Variants in ALPK3 observed in about 807,000 individuals in gnomAD.
ALPK3 encodes alpha kinase 3, also known as alpha-protein kinase 3.
Under a neutral mutation model 140.0 loss-of-function variants are expected in ALPK3, and 102 were observed. That is an observed-to-expected ratio of 0.73 (90% CI 0.62 to 0.86). The LOEUF (loss-of-function observed/expected upper bound fraction) is 0.86. Ranked by LOEUF, ALPK3 falls within the 40% of genes least tolerant of loss-of-function variation. ALPK3 has a pLI of 0.00. For missense variants in ALPK3, 2,254 were observed against 2,208.2 expected, an observed-to-expected ratio of 1.02 and a Z score of -0.42; for synonymous variants, 938 against 898.5, an observed-to-expected ratio of 1.04 and a Z score of -0.79.
chr15:84,859,062 TGGGGGTCA>T (rs1357828518), intron 6 of ALPK3, among the ~76,000 whole-genome samples, 173 bp from the exon 7 acceptor site: 1 of 151,988 alleles, frequency 6.6e-6, no homozygotes, highest in Admixed American at 6.6e-5. Flanking sequence ...ATGTGTGCTT[TGGGGGTCA>T]GGGCAGAAGC....
intron 3 of ALPK3, among the ~76,000 whole-genome samples, chr15:84,830,192 A>G (rs1049678776): frequency 7.2e-5 from 11 of 152,174 alleles, no homozygotes; most frequent in Admixed American, 2.0e-4. Context: ...TGCAAGGTCA[A>G]TGACATCAGT....
In ALPK3 at chr15:84,857,237, C is replaced by G. The variant is rs767247786; in HGVS notation, c.2499C>G (p.Asp833Glu). 3.1e-6 allele frequency: 5 copies of G among 1,613,940 alleles called. No individual in the cohort carries two copies. Among genetic ancestry groups the G allele is most frequent in the Non-Finnish European group, 4.2e-6 (5 of 1,179,938 alleles). ...GCCCAGTCGAGGCCAAGCAGGAGGA[C>G]AGCCCGTTCCAGTGCCCCAAGGAGG... The part of the protein sequence containing the change: ...SSGPVEAKQE[D>E]SPFQCPKEER... The change falls in exon 6 of 14, where the codon GAC (aspartate) becomes GAG (glutamate). Residue 833 changes from aspartate (D) to glutamate (E), a missense_variant. Physicochemically the swap from Asp to Glu is conservative, Grantham distance 45 (BLOSUM62 2). This residue lies in a region of ALPK3 where 2,088 missense variants were observed against 2,022.9 expected (regional missense o/e 1.03). Transcript: ENST00000258888.
chr15:84,847,843 G>A (rs1596152217), intron 5 of ALPK3, among the ~76,000 whole-genome samples: 1 of 152,190 alleles, frequency 6.6e-6, no homozygotes, highest in Non-Finnish European at 1.5e-5. Flanking sequence ...TGGATCACCT[G>A]AGGTCATGAG....
In ALPK3 at chr15:84,856,492, T is replaced by C. The variant is rs2141567160; in HGVS notation, c.1754T>C (p.Ile585Thr). The C allele has an allele frequency of 6.2e-7, 1 of 1,614,090 alleles. No individual in the cohort carries two copies. Among genetic ancestry groups the C allele is most frequent in the Non-Finnish European group, 8.5e-7 (1 of 1,180,006 alleles). Residue 585 changes from isoleucine (I) to threonine (T), a missense_variant, in exon 6 of 14, where the codon ATT becomes ACT. Ile to Thr is a moderately conservative substitution (Grantham distance 89, BLOSUM62 -1). Coordinates refer to ENST00000258888, the MANE Select transcript of ALPK3 (RefSeq NM_020778.5). The stretch of plus-strand genomic sequence containing the variant: ...AGCACTTCCGGAAGTCAAGGTATCA[T>C]TGAACCCATGGATATGGAAACCCAG... The part of the protein sequence containing the change: ...GVSTSGSQGI[I>T]EPMDMETQED...
rs995170828 is a variant in ALPK3, at chr15:84,848,069, A to T, written c.1653+7137A>T. ...AAAGCCAGACTTGATCTCAAAAAAA[A>T]AAAAATAAAAAGAAAAAGAATTGCT... On this transcript the variant is annotated intron_variant, in intron 5 of 13. Transcript: ENST00000258888. Among the ~76,000 whole-genome samples, 434 of 151,982 alleles carry T rather than the reference A, an allele frequency of 2.9e-3. 2 individuals are homozygous for T. Among genetic ancestry groups the T allele is most frequent in the African/African-American group, 8.5e-3 (352 of 41,452 alleles).
intron 5 of ALPK3, among the ~76,000 whole-genome samples, chr15:84,846,446 C>G (rs903740160): frequency 3.3e-5 from 5 of 152,080 alleles, no homozygotes; most frequent in African/African-American, 9.7e-5. Context: ...ACTCTGGAAA[C>G]AAATGGAAAG....
At chr15:84,859,067 G>T (rs1023948313) in intron 6 of ALPK3, among the ~76,000 whole-genome samples, 176 bp from the exon 7 acceptor site, 2 of 152,194 alleles carry the variant, frequency 1.3e-5, no homozygotes, top group Admixed American at 1.3e-4. Flanking sequence ...TGCTTTGGGG[G>T]TCAGGGCAGA....
rs779709566 is a variant in ALPK3, at chr15:84,858,228, C to G, written c.3490C>G (p.Arg1164Gly). 1.2e-6 allele frequency: 2 copies of G among 1,610,688 alleles called. No individual in the cohort carries two copies. The highest frequency in any genetic ancestry group is 3.4e-5 in the Admixed American group (2 of 59,656). Reference protein sequence around the residue: ...ATPEELALGARRKRFLPKVRA... With the variant: ...ATPEELALGAGRKRFLPKVRA... ...ACCTGAGGAACTGGCTCTAGGGGCCCGGAGGAAGAGATTTCTCCCTAAGGT... is the reference window on the plus strand; with the variant it reads ...ACCTGAGGAACTGGCTCTAGGGGCCGGGAGGAAGAGATTTCTCCCTAAGGT... The change falls in exon 6 of 14, where the codon CGG (arginine) becomes GGG (glycine). Residue 1164 changes from arginine to glycine, a missense_variant. Physicochemically the swap from Arg to Gly is moderately radical, Grantham distance 125. This residue lies in a region of ALPK3 where 2,088 missense variants were observed against 2,022.9 expected (regional missense o/e 1.03). Transcript: ENST00000258888.
At chr15:84,866,898 A>T (rs1278806994) in intron 12 of ALPK3, among the ~76,000 whole-genome samples, 2 of 152,200 alleles carry the variant, frequency 1.3e-5, no homozygotes, top group African/African-American at 4.8e-5. Flanking sequence ...GCAGGATTGC[A>T]TAGCTGGAAG....
At chr15:84,828,155 A>G (rs1284136234) in intron 3 of ALPK3, among the ~76,000 whole-genome samples, 2 of 152,198 alleles carry the variant, frequency 1.3e-5, no homozygotes, top group African/African-American at 2.4e-5. Flanking sequence ...GATGCACTTC[A>G]TAGGGTTATT....
At chr15:84,862,281 A>T (rs1963955175) in intron 9 of ALPK3, among the ~76,000 whole-genome samples, 1 of 152,108 alleles carries the variant, frequency 6.6e-6, no homozygotes, top group Non-Finnish European at 1.5e-5. Flanking sequence ...AAACAAAGTA[A>T]TTCTGGTATT....
chr15:84,828,627 C>T (rs554240490), intron 3 of ALPK3, among the ~76,000 whole-genome samples: 2 of 152,334 alleles, frequency 1.3e-5, no homozygotes, highest in South Asian at 4.1e-4. Flanking sequence ...CTTACTCAAC[C>T]CTCTGAGCTG....
chr15:84,856,293 G>A (rs1963858615), intron 5 of ALPK3, 99 bp from the exon 6 acceptor site: 1 of 1,483,410 alleles, frequency 6.7e-7, no homozygotes, highest in Non-Finnish European at 9.0e-7. Context: ...TCCCATCAGA[G>A]CAGTTGTAGA....
At chr15:84,835,885 A>G (rs1963592461) in intron 3 of ALPK3, among the ~76,000 whole-genome samples, 1 of 152,204 alleles carries the variant, frequency 6.6e-6, no homozygotes, top group Non-Finnish European at 1.5e-5. Context: ...TTGATTCCAT[A>G]CCAGGGACTA....
chr15:84,861,389 A>G (rs72753067), intron 9 of ALPK3, among the ~76,000 whole-genome samples: 4,700 of 152,306 alleles, frequency 0.031, 101 homozygotes, highest in Middle Eastern at 0.054. Flanking sequence ...AGGGGCAAGA[A>G]TAACTCACAG....
chr15:84,823,561 A>G (rs1445849358), intron 2 of ALPK3, among the ~76,000 whole-genome samples, 193 bp downstream of exon 2: 2 of 152,122 alleles, frequency 1.3e-5, no homozygotes, highest in Admixed American at 1.3e-4. Context: ...TGATGCTTGC[A>G]TGGGCCATTT....
intron 9 of ALPK3, 96 bp downstream of exon 9, chr15:84,860,168 T>C: frequency 1.4e-6 from 2 of 1,423,410 alleles, no homozygotes; most frequent in Non-Finnish European, 9.8e-7. Flanking sequence ...CCAATCCACA[T>C]ACTGCTCCTC....
Position 84,840,826 on chromosome 15 carries a change from C to CCCCA in ALPK3, c.1550_1553dup (p.Gln519ThrfsTer53). 1 of 1,614,244 alleles carries CCCCA rather than the reference C, an allele frequency of 6.2e-7. No homozygotes were observed. Among genetic ancestry groups the CCCCA allele is most frequent in the Non-Finnish European group, 8.5e-7 (1 of 1,180,040 alleles). ...TGCGGGGCCCAGAGCTTAGGAAAGGCCCCACCTCAGGCCTCTGTGCAGGTG... is the reference window on the plus strand; with the variant it reads ...TGCGGGGCCCAGAGCTTAGGAAAGGCCCCACCCACCTCAGGCCTCTGTGCAGGTG... On this transcript the variant is annotated frameshift_variant, in exon 5 of 14. Coordinates refer to ENST00000258888, the MANE Select transcript of ALPK3 (RefSeq NM_020778.5). LOFTEE classifies it high-confidence loss of function.
chr15:84,865,926 G>A lies in ALPK3; in HGVS notation c.4723+1261G>A, dbSNP rs183627083. 8.7e-4 allele frequency among the ~76,000 whole-genome samples: 133 copies of A among 152,336 alleles called. 1 individual carries two copies. The highest frequency in any genetic ancestry group is 3.2e-3 in the African/African-American group (133 of 41,580). ...ACTGCACTCCAGCCTGGGCAACAGA[G>A]TGAGACTCCATCTCAAAAAAATAAT... On this transcript the variant is annotated intron_variant, in intron 12 of 13. Transcript: ENST00000258888.
Sources: gnomAD v4.1 joint callset for allele counts (sites outside exome capture counted in the v4.1 genomes callset) on GRCh38, gnomAD v4.1.1 for gene constraint, gnomAD v4.1.1 regional missense constraint, MANE v1.5 for transcripts, NCBI Gene and HGNC (gene_info 2026-07-23, HGNC 2026-07-21) for gene names.